Variants in EPB41L2 observed in about 807,000 individuals in gnomAD.
EPB41L2 encodes the protein band 4.1-like protein 2.
EPB41L2 carries 43 observed loss-of-function variants against 113.0 expected under a neutral mutation model. That is an observed-to-expected ratio of 0.38 (90% CI 0.30 to 0.49). The LOEUF (loss-of-function observed/expected upper bound fraction) is 0.49. Among genes scored for constraint, EPB41L2 ranks in the 20% least tolerant of loss-of-function variants. EPB41L2 has a pLI of 0.95. For synonymous variants in EPB41L2, 442 were observed against 436.7 expected, an observed-to-expected ratio of 1.01 and a Z score of -0.15; for missense variants, 1,147 against 1,223.4, an observed-to-expected ratio of 0.94 and a Z score of 0.93.
intron 17 of EPB41L2, 77 bp downstream of exon 17, chr6:130,865,459 G>T: frequency 7.0e-7 from 1 of 1,422,164 alleles, no homozygotes; most frequent in Non-Finnish European, 9.8e-7. Context: ...AGTGTGTACA[G>T]GAAGAGAGAA....
intron 19 of EPB41L2, among the ~76,000 whole-genome samples, chr6:130,854,805 A>G (rs1394556280): frequency 6.6e-6 from 1 of 152,200 alleles, no homozygotes; most frequent in African/African-American, 2.4e-5. Flanking sequence ...ATATAGTTGG[A>G]TATCTGGCAA....
chr6:131,044,650 G>C (rs1466007161), intron 1 of EPB41L2, among the ~76,000 whole-genome samples: 1 of 152,116 alleles, frequency 6.6e-6, no homozygotes, highest in Non-Finnish European at 1.5e-5. Context: ...CCAACAGCCT[G>C]TTGCCTGGGT....
Position 130,956,389 on chromosome 6 carries a change from T to C in EPB41L2, c.97A>G (p.Asn33Asp). The C allele has an allele frequency of 1.2e-6, 2 of 1,614,166 alleles. No individual in the cohort carries two copies. The highest frequency in any genetic ancestry group is 1.1e-5 in the South Asian group (1 of 91,084). ...GGATCGGAAGACTGATTCTGCTGAT[T>C]TTCTGCTACTTCTTTAGGTTTTTCC... ...TKEKPKEVAE[N>D]QQNQSSDPEE... The change falls in exon 2 of 20, where the codon AAT becomes GAT. Residue 33 changes from asparagine (N) to aspartate (D), a missense_variant. Physicochemically the swap from Asn to Asp is conservative, Grantham distance 23. Coordinates refer to ENST00000337057, the MANE Select transcript of EPB41L2 (RefSeq NM_001431.4).
chr6:131,032,375 A>C (rs1425124445), intron 1 of EPB41L2, among the ~76,000 whole-genome samples: 1 of 152,210 alleles, frequency 6.6e-6, no homozygotes, highest in African/African-American at 2.4e-5. Flanking sequence ...CAAGTGCTAC[A>C]TAAACCTTCA....
Position 130,890,542 on chromosome 6 carries a change from A to T in EPB41L2, c.1488-76T>A, listed in dbSNP as rs567672450. On this transcript the variant is annotated intron_variant, in intron 10 of 19. Coordinates refer to ENST00000337057, the MANE Select transcript of EPB41L2 (RefSeq NM_001431.4). The stretch of plus-strand genomic sequence containing the variant: ...TAGACTTTACGGAATTTTTTAAAAA[A>T]ACTTTAAAGCTATGTACTTTCATAT... The T allele has an allele frequency of 1.2e-5, 18 of 1,492,880 alleles. No individual in the cohort carries two copies. In the East Asian group the frequency reaches 4.1e-4, roughly 34 times the overall value. The allele number at this position is 1,492,880 out of a possible 1,614,324, so 92.5% of individuals were successfully genotyped here. A position where few individuals can be genotyped will look rare whatever the true frequency, so the allele number is the denominator to read the frequency against.
chr6:130,962,900 C>A (rs962910886), intron 1 of EPB41L2, among the ~76,000 whole-genome samples: 9 of 152,094 alleles, frequency 5.9e-5, no homozygotes, highest in African/African-American at 2.2e-4. Flanking sequence ...AAAATATGCA[C>A]GAAGTCCACT....
chr6:130,858,634 A>T (rs553892864), intron 18 of EPB41L2, among the ~76,000 whole-genome samples: 3 of 151,290 alleles, frequency 2.0e-5, no homozygotes, highest in Non-Finnish European at 4.4e-5. Context: ...GTAATGCTGT[A>T]AAGCAGCCAG....
chr6:131,060,958 A>G (rs2128210070), intron 1 of EPB41L2, among the ~76,000 whole-genome samples: 1 of 152,350 alleles, frequency 6.6e-6, no homozygotes, highest in East Asian at 1.9e-4. Flanking sequence ...CTGAAATTAT[A>G]GCTTTAACTG....
At chr6:130,894,698 A>T (rs1794047717) in intron 9 of EPB41L2, among the ~76,000 whole-genome samples, 2 of 152,164 alleles carry the variant, frequency 1.3e-5, no homozygotes, top group African/African-American at 4.8e-5. Flanking sequence ...TGCTTTCCTA[A>T]TGATCACAAC....
chr6:131,020,243 T>C (rs1789143488), intron 1 of EPB41L2, among the ~76,000 whole-genome samples: 1 of 152,212 alleles, frequency 6.6e-6, no homozygotes, highest in Admixed American at 6.5e-5. Flanking sequence ...TTTCGCTTTT[T>C]TTCATACAAT....
chr6:131,043,276 G>A (rs1030942262), intron 1 of EPB41L2, among the ~76,000 whole-genome samples: 18 of 152,008 alleles, frequency 1.2e-4, no homozygotes, highest in Non-Finnish European at 2.1e-4. Flanking sequence ...ACTCCAGCCT[G>A]GGTGACAGAG....
At chr6:131,005,520 T>C (rs1331931147) in intron 1 of EPB41L2, among the ~76,000 whole-genome samples, 1 of 152,186 alleles carries the variant, frequency 6.6e-6, no homozygotes, top group African/African-American at 2.4e-5. Flanking sequence ...AAGGGGAGTG[T>C]TGGGGGGAGC....
chr6:130,954,629 G>C (rs1296438876), intron 3 of EPB41L2, among the ~76,000 whole-genome samples: 1 of 152,154 alleles, frequency 6.6e-6, no homozygotes, highest in Admixed American at 6.5e-5. Flanking sequence ...AAAGATTAAA[G>C]TGACTTCTGT....
chr6:130,974,805 A>C (rs1206379428), intron 1 of EPB41L2, among the ~76,000 whole-genome samples: 3 of 138,692 alleles, frequency 2.2e-5, no homozygotes, highest in East Asian at 4.1e-4. Flanking sequence ...AGTTCACTAC[A>C]ACCTCTGCCT....
At chr6:130,855,633 TA>T (rs562940202) in intron 19 of EPB41L2, among the ~76,000 whole-genome samples, 21 of 152,228 alleles carry the variant, frequency 1.4e-4, no homozygotes, top group African/African-American at 4.6e-4. Context: ...CTCATTTGAT[TA>T]AAAAACTATA....
chr6:130,965,506 G>A (rs908167346), intron 1 of EPB41L2, among the ~76,000 whole-genome samples: 3 of 151,880 alleles, frequency 2.0e-5, no homozygotes, highest in Non-Finnish European at 4.4e-5. Context: ...GAATAAAAAA[G>A]CCCAATAAAA....
intron 5 of EPB41L2, among the ~76,000 whole-genome samples, chr6:130,905,439 GAC>G (rs1797451599): frequency 6.8e-6 from 1 of 146,116 alleles, no homozygotes; most frequent in Non-Finnish European, 1.5e-5. Context: ...TTTTTTCTGA[GAC>G]AGAGTCTCAC....
At chr6:130,953,867 C>T (rs1393886079) in intron 3 of EPB41L2, among the ~76,000 whole-genome samples, 3 of 151,838 alleles carry the variant, frequency 2.0e-5, no homozygotes, top group Non-Finnish European at 4.4e-5. Flanking sequence ...AAGCCCCTCA[C>T]CAGACACCAA....
chr6:130,886,448 C>G (rs1791008886), intron 11 of EPB41L2, among the ~76,000 whole-genome samples: 1 of 152,066 alleles, frequency 6.6e-6, no homozygotes, highest in Admixed American at 6.6e-5. Context: ...CAACAAGGTC[C>G]TTGTATATAT....
Sources: allele counts gnomAD v4.1 joint callset (sites outside exome capture counted in the v4.1 genomes callset), GRCh38; gene constraint gnomAD v4.1.1; transcripts MANE v1.5; gene names NCBI Gene and HGNC (gene_info 2026-07-23, HGNC 2026-07-21).